The following ANK2 variants were observed in gnomAD, a reference collection of about 807,000 sequenced individuals.
The protein encoded by ANK2 is ankyrin 2.
ANK2 carries 83 observed loss-of-function variants against 360.5 expected under a neutral mutation model. The observed-to-expected ratio is 0.23, with a 90% confidence interval of 0.19 to 0.28. The LOEUF (loss-of-function observed/expected upper bound fraction) is 0.28. Ranked by LOEUF, ANK2 falls within the 10% of genes least tolerant of loss-of-function variation. ANK2 has a pLI of 1.00. For missense variants in ANK2, 4,201 were observed against 4,795.7 expected (o/e 0.88, Z 3.66); for synonymous variants, 1,740 against 1,759.5 (o/e 0.99, Z 0.28).
rs776494000 is a variant in ANK2, at chr4:113,311,210, T to C, written c.2549-45T>C. Reference sequence around the variant, plus strand: ...TCATGACCATATGTTGTAGTTGATATTACATTCAAGAAATAATCCTGCTTC... The same window carrying C: ...TCATGACCATATGTTGTAGTTGATACTACATTCAAGAAATAATCCTGCTTC... On this transcript the variant is annotated intron_variant, in intron 23 of 45. Transcript: ENST00000357077. 3.7e-6 allele frequency: 6 copies of C among 1,612,528 alleles called. No individual in the cohort carries two copies. The Admixed American group carries it at 5.0e-5, about 13-fold the overall frequency.
intron 1 of ANK2, among the ~76,000 whole-genome samples, chr4:112,828,339 A>G (rs922275422): frequency 6.7e-6 from 1 of 150,322 alleles, no homozygotes; most frequent in Non-Finnish European, 1.5e-5. Flanking sequence ...GGTTCAAGCA[A>G]TTCTCTGCCT....
At chr4:112,925,005 A>AT (rs1561122996) in intron 2 of ANK2, among the ~76,000 whole-genome samples, 1 of 151,752 alleles carries the variant, frequency 6.6e-6, no homozygotes, top group East Asian at 1.9e-4. Context: ...CACCCGGCTA[A>AT]TTTTTTGTAT....
rs543380186 is a variant in ANK2, at chr4:113,272,872, C to T, written c.1486-1580C>T. On this transcript the variant is annotated intron_variant, in intron 14 of 45. Coordinates refer to ENST00000357077, the MANE Select transcript of ANK2 (RefSeq NM_001148.6). ...AGATCTGAGAAGGGAACCCCAGAAACAACAAATGTTCATCATAGCTATTCT... is the reference window on the plus strand; with the variant it reads ...AGATCTGAGAAGGGAACCCCAGAAATAACAAATGTTCATCATAGCTATTCT... Among the ~76,000 whole-genome samples the T allele has an allele frequency of 2.0e-5, 3 of 152,284 alleles. No individual in the cohort carries two copies. In the East Asian group the frequency reaches 5.8e-4, roughly 29 times the overall value.
At chr4:113,115,392 T>C (rs1029127982) in intron 1 of ANK2, among the ~76,000 whole-genome samples, 1 of 152,178 alleles carries the variant, frequency 6.6e-6, no homozygotes, top group Admixed American at 6.5e-5. Context: ...ATGCTCCCCA[T>C]ATATGATAAA....
rs919269286 is a variant in ANK2 at position 113,262,750 on chromosome 4, A to G, written c.1387-2147A>G. Among the ~76,000 whole-genome samples, 5 of 152,260 alleles carry G rather than the reference A, an allele frequency of 3.3e-5. No homozygotes were observed. The East Asian group carries it at 5.8e-4, about 18-fold the overall frequency. ...ATTATAAGTAATATAGAGCTGAATT[A>G]TACAGGATTATGTGCATAGGTTACT... On this transcript the variant is annotated intron_variant, in intron 13 of 45. Transcript: ENST00000357077.
the ANK2 span, among the ~76,000 whole-genome samples, chr4:112,750,815 C>T: frequency 6.6e-6 from 1 of 152,016 alleles, no homozygotes; most frequent in East Asian, 1.9e-4. Flanking sequence ...GCAACCTCCA[C>T]CACCTGGGTT....
At chr4:113,366,044 A>G (rs1010832408) in intron 41 of ANK2, among the ~76,000 whole-genome samples, 1 of 152,152 alleles carries the variant, frequency 6.6e-6, no homozygotes, top group Non-Finnish European at 1.5e-5. Flanking sequence ...GCATTAAACC[A>G]TGCTTTAATA....
rs114322591 is a variant in ANK2 at position 113,053,485 on chromosome 4, T to C, written c.84+3673T>C. On this transcript the variant is annotated intron_variant, in intron 1 of 45. Coordinates refer to ENST00000357077, the MANE Select transcript of ANK2 (RefSeq NM_001148.6). Reference sequence around the variant, plus strand: ...AGTGGCGAAGAGGAAATGGGGGCTATTCTAATTCTCAACTGGAATCCAGGA... The same window carrying C: ...AGTGGCGAAGAGGAAATGGGGGCTACTCTAATTCTCAACTGGAATCCAGGA... 6.5e-3 allele frequency among the ~76,000 whole-genome samples: 986 copies of C among 152,310 alleles called. 5 individuals carry two copies. Among genetic ancestry groups the C allele is most frequent in the Non-Finnish European group, 0.01 (714 of 68,024 alleles).
the ANK2 span, among the ~76,000 whole-genome samples, chr4:112,782,932 C>T: frequency 7.4e-3 from 1,122 of 151,834 alleles, 7 homozygotes; most frequent in Non-Finnish European, 9.2e-3. Flanking sequence ...CTTTTTGAGA[C>T]GGAGTCTCAC....
At chr4:113,200,440 G>A (rs574861954) in intron 4 of ANK2, among the ~76,000 whole-genome samples, 1 of 152,140 alleles carries the variant, frequency 6.6e-6, no homozygotes, top group East Asian at 1.9e-4. Context: ...AGTGAACATT[G>A]TACCCAATAG....
intron 2 of ANK2, among the ~76,000 whole-genome samples, chr4:112,908,489 G>T (rs770192104): frequency 6.6e-5 from 10 of 152,108 alleles, no homozygotes; most frequent in Non-Finnish European, 1.2e-4. Context: ...GAAAAGGGCT[G>T]GTCTTCAAAA....
intron 1 of ANK2, among the ~76,000 whole-genome samples, chr4:112,824,136 CATCTATCTATCTATCTATCT>C (rs35729539): frequency 1.1e-4 from 16 of 147,948 alleles, no homozygotes; most frequent in Middle Eastern, 3.2e-3. Flanking sequence ...AGGTCTTCAG[CATCTATCTATCTATCTATCT>C]ATCTATCTAT....
Position 113,170,607 on chromosome 4 carries a change from T to C in ANK2, c.85-3809T>C, listed in dbSNP as rs563308343. Among the ~76,000 whole-genome samples the C allele has an allele frequency of 8.3e-4, 126 of 152,264 alleles. 1 individual carries two copies. The highest frequency in any genetic ancestry group is 2.2e-3 in the African/African-American group (90 of 41,568). The stretch of plus-strand genomic sequence containing the variant: ...GCACAGAATTAAAGAATTAAAAAAC[T>C]TGTAGCAAGCTCATGGGCCCCTGTG... On this transcript the variant is annotated intron_variant, in intron 1 of 45. Coordinates refer to ENST00000357077, the MANE Select transcript of ANK2 (RefSeq NM_001148.6).
intron 22 of ANK2, among the ~76,000 whole-genome samples, chr4:113,297,081 G>A (rs2072024933): frequency 6.6e-6 from 1 of 152,086 alleles, no homozygotes; most frequent in South Asian, 2.1e-4. Flanking sequence ...TGAAAATCAG[G>A]GGAGGAGGGG....
At chr4:113,346,374 GT>G (rs1366224430) in intron 35 of ANK2, among the ~76,000 whole-genome samples, 7 of 152,056 alleles carry the variant, frequency 4.6e-5, no homozygotes, top group Non-Finnish European at 8.8e-5. Context: ...CTTCATTATT[GT>G]TTTCATGTGC....
At chr4:113,011,698 T>C (rs534211090) in intron 2 of ANK2, among the ~76,000 whole-genome samples, 25 of 152,220 alleles carry the variant, frequency 1.6e-4, no homozygotes, top group African/African-American at 6.0e-4. Context: ...ATCTTACATA[T>C]GGATATTTTA....
At chr4:113,053,199 C>G (rs981201152) in intron 1 of ANK2, among the ~76,000 whole-genome samples, 5 of 152,074 alleles carry the variant, frequency 3.3e-5, no homozygotes, top group Admixed American at 2.0e-4. Context: ...GTACCAGGCC[C>G]CCTCCTGTGG....
At chr4:113,088,968 AC>A (rs1369753047) in intron 1 of ANK2, among the ~76,000 whole-genome samples, 1 of 152,014 alleles carries the variant, frequency 6.6e-6, no homozygotes, top group African/African-American at 2.4e-5. Context: ...ATAACAAACC[AC>A]CCCAACACTT....
chr4:112,744,176 A>G, the ANK2 span, among the ~76,000 whole-genome samples: 10 of 152,118 alleles, frequency 6.6e-5, no homozygotes, highest in East Asian at 1.9e-3. Flanking sequence ...CACCAACCTA[A>G]TAGAGGTATA....
Sources: gnomAD v4.1 joint callset for allele counts (sites outside exome capture counted in the v4.1 genomes callset) on GRCh38, gnomAD v4.1.1 for gene constraint, MANE v1.5 for transcripts, NCBI Gene and HGNC (gene_info 2026-07-23, HGNC 2026-07-21) for gene names.